Variants in SLC44A1 observed in about 807,000 individuals in gnomAD.
SLC44A1 encodes the protein solute carrier family 44 member 1.
Under a neutral mutation model 79.3 loss-of-function variants are expected in SLC44A1, and 26 were observed. The ratio of observed to expected loss-of-function variants is 0.33; its 90% CI spans 0.24 to 0.46. SLC44A1 has a LOEUF of 0.46. Among genes scored for constraint, SLC44A1 ranks in the 20% least tolerant of loss-of-function variants. The probability of loss-of-function intolerance (pLI) is 1.00; values close to 1 mark genes in which losing one functional copy is unlikely to be tolerated. For synonymous variants in SLC44A1, 263 were observed against 286.2 expected (o/e 0.92, Z 0.82); for missense variants, 688 against 798.1 (o/e 0.86, Z 1.66).
intron 5 of SLC44A1, among the ~76,000 whole-genome samples, chr9:105,349,276 A>C (rs932124774): frequency 3.9e-5 from 6 of 152,178 alleles, no homozygotes; most frequent in Non-Finnish European, 5.9e-5. Context: ...CAACTTCTCC[A>C]GGAAAATGTA....
intron 8 of SLC44A1, among the ~76,000 whole-genome samples, chr9:105,362,369 C>A (rs1259967232): frequency 6.6e-6 from 1 of 152,046 alleles, no homozygotes; most frequent in African/African-American, 2.4e-5. Flanking sequence ...ATTTGCTGTG[C>A]CAGCTGCTGA....
In SLC44A1 at chr9:105,394,118, C is replaced by A. The variant is rs1048164333; in HGVS notation, c.*5062C>A. 1 of 985,302 alleles carries A rather than the reference C, an allele frequency of 1.0e-6. No homozygotes were observed. The highest frequency in any genetic ancestry group is 1.7e-5 in the African/African-American group (1 of 57,226). 61.0% of individuals were successfully genotyped at this position (985,302 alleles called of 1,614,324 possible). A position where few individuals can be genotyped will look rare whatever the true frequency, so the allele number is the denominator to read the frequency against. On this transcript the variant is annotated 3_prime_UTR_variant, in exon 16 of 16. Transcript: ENST00000374720. ...CTCATAGAATTTCAGGGCCCTCAGACGGCCAGCTTCCACCCCTGTACCCCC... is the reference window on the plus strand; with the variant it reads ...CTCATAGAATTTCAGGGCCCTCAGAAGGCCAGCTTCCACCCCTGTACCCCC...
chr9:105,280,323 C>T (rs1830320286), intron 1 of SLC44A1, among the ~76,000 whole-genome samples: 1 of 152,100 alleles, frequency 6.6e-6, no homozygotes, highest in African/African-American at 2.4e-5. Flanking sequence ...GACTATGGCC[C>T]AGGTACCTAA....
At chr9:105,351,573 A>AGGGAGGGAGGGAGGGAGG (rs1827417780) in intron 5 of SLC44A1, among the ~76,000 whole-genome samples, 1 of 128,632 alleles carries the variant, frequency 7.8e-6, no homozygotes, top group African/African-American at 3.4e-5. Context: ...AGAGAGAAAG[A>AGGGAGGGAGGGAGGGAGG]GAGAAAGAGA....
chr9:105,296,796 T>C (rs552664968), intron 1 of SLC44A1, among the ~76,000 whole-genome samples: 3 of 152,226 alleles, frequency 2.0e-5, no homozygotes, highest in Admixed American at 6.5e-5. Flanking sequence ...CAGGCATTCT[T>C]ATATGAATAA....
chr9:105,413,340 T>C (rs1289326820), intron 15 of SLC44A1, among the ~76,000 whole-genome samples: 1 of 152,222 alleles, frequency 6.6e-6, no homozygotes, highest in Non-Finnish European at 1.5e-5. Flanking sequence ...GACATAGTTC[T>C]GCCCAATGAG....
intron 11 of SLC44A1, 64 bp downstream of exon 11, chr9:105,365,703 GTAAAGCACC>G (rs2131419900): frequency 7.1e-7 from 1 of 1,407,268 alleles, no homozygotes; most frequent in East Asian, 2.3e-5. Flanking sequence ...TCTGCATGTA[GTAAAGCACC>G]CAATAATGTT....
chr9:105,420,583 C>T (rs149561044), intron 15 of SLC44A1, among the ~76,000 whole-genome samples: 1 of 151,890 alleles, frequency 6.6e-6, no homozygotes, highest in East Asian at 1.9e-4. Context: ...TGTTCTAGGC[C>T]GGGTATGGTG....
rs148565321 is a variant in SLC44A1 at position 105,341,168 on chromosome 9, C to T, written c.406+5469C>T. ...TGGCCAACATGGTGAAACCTCATCT[C>T]TACTAAAACTACAAAAATTAGCTGG... On this transcript the variant is annotated intron_variant, in intron 4 of 15. Coordinates refer to ENST00000374720, the MANE Select transcript of SLC44A1 (RefSeq NM_080546.5). 1.7e-3 allele frequency among the ~76,000 whole-genome samples: 255 copies of T among 152,054 alleles called. 1 individual carries two copies. Among genetic ancestry groups the T allele is most frequent in the African/African-American group, 5.8e-3 (242 of 41,512 alleles).
chr9:105,250,171 C>T lies in SLC44A1; in HGVS notation c.36+5267C>T, dbSNP rs146821710. On this transcript the variant is annotated intron_variant, in intron 1 of 15. Transcript: ENST00000374720. ...GATTATAGGTGTGAGCCACTGCACC[C>T]GGCCTACTTTTTTATCTTTAGAAAA... 4.5e-4 allele frequency among the ~76,000 whole-genome samples: 69 copies of T among 152,110 alleles called. 1 individual carries two copies. In the East Asian group the frequency reaches 0.01, roughly 22 times the overall value.
chr9:105,299,178 A>C (rs779827925), intron 1 of SLC44A1, 42 bp from the exon 2 acceptor site: 2 of 1,440,828 alleles, frequency 1.4e-6, no homozygotes, highest in African/African-American at 2.9e-5. Flanking sequence ...ACTTTAACTA[A>C]ACTTAGCATT....
chr9:105,396,763 A>G lies in SLC44A1; in HGVS notation c.*7707A>G, dbSNP rs1284753279. The G allele has an allele frequency of 3.0e-6, 3 of 985,226 alleles. No individual in the cohort carries two copies. Among genetic ancestry groups the G allele is most frequent in the East Asian group, 1.1e-4 (1 of 8,830 alleles). 61.0% of individuals were successfully genotyped at this position (985,226 alleles called of 1,614,324 possible). ...ATTTGCATCCTATTTCATAGTGCCA[A>G]AATGAATTTTTGTATCTTGTCTTGT... On this transcript the variant is annotated 3_prime_UTR_variant, in exon 16 of 16. Coordinates refer to ENST00000374720, the MANE Select transcript of SLC44A1 (RefSeq NM_080546.5).
rs561990148 is a variant in SLC44A1 at position 105,309,697 on chromosome 9, G to T, written c.127-27G>T. The stretch of plus-strand genomic sequence containing the variant: ...TGTTGGCTATTGAAATGGTTTATTT[G>T]TATGTTTTTTTCTGTTTCTTTCCTA... On this transcript the variant is annotated intron_variant, in intron 2 of 15. Coordinates refer to ENST00000374720, the MANE Select transcript of SLC44A1 (RefSeq NM_080546.5). 1.2e-4 allele frequency: 199 copies of T among 1,610,436 alleles called. 1 individual carries two copies. The South Asian group carries it at 1.6e-3, about 13-fold the overall frequency.
intron 1 of SLC44A1, among the ~76,000 whole-genome samples, chr9:105,297,694 T>C (rs1830762979): frequency 6.6e-6 from 1 of 152,164 alleles, no homozygotes; most frequent in African/African-American, 2.4e-5. Flanking sequence ...TGCTTACATA[T>C]TAAGAAAAGA....
In SLC44A1 at chr9:105,393,511, G is replaced by A; in HGVS notation, c.*4455G>A. The A allele has an allele frequency of 1.1e-6, 1 of 932,976 alleles. No individual in the cohort carries two copies. Among genetic ancestry groups the A allele is most frequent in the Non-Finnish European group, 1.3e-6 (1 of 782,362 alleles). The allele number at this position is 932,976 out of a possible 1,614,324, so 57.8% of individuals were successfully genotyped here. A position where few individuals can be genotyped will look rare whatever the true frequency, so the allele number is the denominator to read the frequency against. ...ATACTCCATGTTTTAATTTTAAAAG[G>A]ATAATTTTAATCCAAGATTTAAATC... On this transcript the variant is annotated 3_prime_UTR_variant, in exon 16 of 16. Coordinates refer to ENST00000374720, the MANE Select transcript of SLC44A1 (RefSeq NM_080546.5).
At chr9:105,255,137 A>G (rs1379867444) in intron 1 of SLC44A1, among the ~76,000 whole-genome samples, 2 of 147,852 alleles carry the variant, frequency 1.4e-5, no homozygotes, top group Admixed American at 6.7e-5. Flanking sequence ...CTGAAAAGTC[A>G]TGTCATTATT....
intron 15 of SLC44A1, among the ~76,000 whole-genome samples, chr9:105,426,903 T>C (rs540466759): frequency 2.4e-4 from 37 of 151,924 alleles, no homozygotes; most frequent in African/African-American, 8.7e-4. Flanking sequence ...AAGATACATA[T>C]TAAATAATTC....
chr9:105,344,985 G>A (rs909675417), intron 4 of SLC44A1, among the ~76,000 whole-genome samples: 8 of 152,140 alleles, frequency 5.3e-5, no homozygotes, highest in Non-Finnish European at 1.2e-4. Flanking sequence ...TGAAAGCCTG[G>A]AAGCTTGTTA....
intron 2 of SLC44A1, chr9:105,299,607 T>G: frequency 3.5e-6 from 1 of 283,558 alleles, no homozygotes; most frequent in Non-Finnish European, 6.1e-6. Context: ...GCCCTGCATA[T>G]TCACCCAACC....
Sources: gnomAD v4.1 joint callset for allele counts (sites outside exome capture counted in the v4.1 genomes callset) on GRCh38, gnomAD v4.1.1 for gene constraint, MANE v1.5 for transcripts, NCBI Gene and HGNC (gene_info 2026-07-23, HGNC 2026-07-21) for gene names.